NEK1: variants seen among roughly 807,000 people sequenced by gnomAD.
The protein encoded by NEK1 is serine/threonine-protein kinase Nek1.
In NEK1, 137 loss-of-function variants were observed where a neutral mutation model predicts 182.1. That is an observed-to-expected ratio of 0.75 (90% CI 0.65 to 0.87). NEK1 has a LOEUF of 0.87. Ranked by LOEUF, NEK1 falls within the 40% of genes least tolerant of loss-of-function variation. NEK1 has a pLI of 0.00. For missense variants in NEK1, 1,391 were observed against 1,494.4 expected, an observed-to-expected ratio of 0.93 and a Z score of 1.14; for synonymous variants, 513 against 492.2, an observed-to-expected ratio of 1.04 and a Z score of -0.56.
chr4:169,547,493 A>G (rs1261691764), intron 18 of NEK1, among the ~76,000 whole-genome samples: 3 of 151,994 alleles, frequency 2.0e-5, no homozygotes, highest in African/African-American at 7.2e-5. Flanking sequence ...GGTGTTCTCT[A>G]TACTTCCTGA....
chr4:169,467,470 T>C (rs572490479), intron 26 of NEK1, among the ~76,000 whole-genome samples: 4 of 152,148 alleles, frequency 2.6e-5, no homozygotes, highest in South Asian at 4.1e-4. Flanking sequence ...CAATGAGCTA[T>C]AGCTAATAAT....
At chr4:169,607,588 A>G (rs1386529229) in intron 2 of NEK1, among the ~76,000 whole-genome samples, 1 of 151,912 alleles carries the variant, frequency 6.6e-6, no homozygotes, top group Non-Finnish European at 1.5e-5. Flanking sequence ...TCAGCCTCCC[A>G]AGTAGCTGGG....
At chr4:169,562,278 T>A (rs1763036759) in intron 12 of NEK1, 82 bp from the exon 13 acceptor site, 2 of 956,088 alleles carry the variant, frequency 2.1e-6, no homozygotes, top group Non-Finnish European at 3.1e-6. Context: ...AAATTTAAGA[T>A]AAGAAAAAGG....
At chr4:169,521,511 C>T (rs546660585) in intron 19 of NEK1, among the ~76,000 whole-genome samples, 41 of 152,268 alleles carry the variant, frequency 2.7e-4, no homozygotes, top group African/African-American at 8.7e-4. Flanking sequence ...TGTTCCTATT[C>T]GGCCATCTTG....
At chr4:169,428,415 T>C (rs1736819659) in intron 29 of NEK1, among the ~76,000 whole-genome samples, 1 of 134,026 alleles carries the variant, frequency 7.5e-6, no homozygotes. Context: ...AGAAGTGGCA[T>C]ATCCTACAAC....
intron 6 of NEK1, among the ~76,000 whole-genome samples, chr4:169,590,317 T>TAGACAGACAGACAGACAGACAGAC (rs779764524): frequency 7.2e-6 from 1 of 139,772 alleles, no homozygotes; most frequent in Non-Finnish European, 1.5e-5. Flanking sequence ...TCAAAAACAA[T>TAGACAGACAGACAGACAGACAGAC]AGATAGACAG....
intron 27 of NEK1, among the ~76,000 whole-genome samples, chr4:169,462,639 G>A (rs1349384597): frequency 6.6e-6 from 1 of 151,948 alleles, no homozygotes; most frequent in Non-Finnish European, 1.5e-5. Flanking sequence ...GAAGGAAAAA[G>A]AACACAAAAG....
intron 26 of NEK1, among the ~76,000 whole-genome samples, chr4:169,465,349 A>G (rs1744728873): frequency 6.6e-6 from 1 of 152,090 alleles, no homozygotes; most frequent in South Asian, 2.1e-4. Context: ...AACCCCTTCA[A>G]TGCAGGGAGG....
At chr4:169,605,230 A>T (rs751037964) in intron 2 of NEK1, among the ~76,000 whole-genome samples, 11 of 152,216 alleles carry the variant, frequency 7.2e-5, no homozygotes, top group Non-Finnish European at 1.5e-4. Flanking sequence ...CACTAATAAG[A>T]CAGAAGCTCC....
intron 27 of NEK1, among the ~76,000 whole-genome samples, chr4:169,445,591 T>C (rs1226582125): frequency 1.3e-5 from 2 of 152,014 alleles, no homozygotes; most frequent in African/African-American, 4.8e-5. Context: ...AAGTACTACA[T>C]GTTCTCACTT....
intron 19 of NEK1, among the ~76,000 whole-genome samples, chr4:169,522,526 G>A (rs1038670131): frequency 1.3e-5 from 2 of 152,214 alleles, no homozygotes; most frequent in African/African-American, 4.8e-5. Context: ...GCCTACTTTT[G>A]TGGGCTTTAG....
intron 27 of NEK1, among the ~76,000 whole-genome samples, chr4:169,457,977 T>G (rs1743243134): frequency 6.6e-6 from 1 of 151,840 alleles, no homozygotes; most frequent in Non-Finnish European, 1.5e-5. Context: ...AAGATGTCAG[T>G]TTTTTTCCAA....
intron 20 of NEK1, 114 bp from the exon 21 acceptor site, chr4:169,508,445 A>C (rs2149696526): frequency 1.3e-6 from 1 of 770,484 alleles, no homozygotes; most frequent in East Asian, 3.2e-5. Flanking sequence ...ACAAGAAATA[A>C]AAGTTCTGAA....
At chr4:169,583,415 T>C (rs973944305) in intron 10 of NEK1, among the ~76,000 whole-genome samples, 5 of 152,148 alleles carry the variant, frequency 3.3e-5, no homozygotes, top group Admixed American at 1.3e-4. Context: ...CAGATAAAGG[T>C]TTTCATGAAG....
intron 26 of NEK1, among the ~76,000 whole-genome samples, chr4:169,466,070 T>A (rs1744869125): frequency 6.6e-6 from 1 of 152,026 alleles, no homozygotes. Flanking sequence ...GACAAGGACA[T>A]TTATAACTGT....
intron 35 of NEK1, among the ~76,000 whole-genome samples, chr4:169,395,733 A>G (rs1024592682): frequency 3.3e-5 from 5 of 152,230 alleles, no homozygotes; most frequent in Non-Finnish European, 5.9e-5. Flanking sequence ...AAGTAAAACC[A>G]TATTACAGAT....
intron 12 of NEK1, among the ~76,000 whole-genome samples, chr4:169,567,696 T>G (rs1163017753): frequency 6.6e-6 from 1 of 152,200 alleles, no homozygotes; most frequent in Non-Finnish European, 1.5e-5. Context: ...ACCTAGCCAG[T>G]GAAATGTTTT....
rs1768096495 is a variant in NEK1 at position 169,589,590 on chromosome 4, T to C, written c.397-76A>G. On this transcript the variant is annotated intron_variant, in intron 6 of 35. Transcript: ENST00000507142. Reference sequence around the variant, plus strand: ...TTCTAAGTCAACATTTTTCATAAAATTTAAAATCCAGTTAAAAAAATTGTG... The same window carrying C: ...TTCTAAGTCAACATTTTTCATAAAACTTAAAATCCAGTTAAAAAAATTGTG... The C allele has an allele frequency of 6.1e-6, 6 of 979,236 alleles. No individual in the cohort carries two copies. The South Asian group carries it at 8.2e-5, about 13-fold the overall frequency. The allele number at this position is 979,236 out of a possible 1,614,324, so 60.7% of individuals were successfully genotyped here.
chr4:169,401,903 A>T (rs1358046644), intron 32 of NEK1, 43 bp from the exon 33 acceptor site: 12 of 1,507,534 alleles, frequency 8.0e-6, no homozygotes, highest in Non-Finnish European at 1.1e-5. Flanking sequence ...AACATACTGA[A>T]ATTTACCAAG....
Sources: gnomAD v4.1 joint callset for allele counts (sites outside exome capture counted in the v4.1 genomes callset) on GRCh38, gnomAD v4.1.1 for gene constraint, MANE v1.5 for transcripts, NCBI Gene and HGNC (gene_info 2026-07-23, HGNC 2026-07-21) for gene names.